COL21A1: variants seen among roughly 807,000 people sequenced by gnomAD.
COL21A1 encodes the protein collagen type XXI alpha 1 chain.
Under a neutral mutation model 137.9 loss-of-function variants are expected in COL21A1, and 149 were observed. The observed-to-expected ratio is 1.08, with a 90% CI of 0.95 to 1.24. The LOEUF (loss-of-function observed/expected upper bound fraction) is 1.24. COL21A1 is among the 50% of genes most tolerant of loss of function. The pLI is 0.00. For synonymous variants in COL21A1, 456 were observed against 391.5 expected, an observed-to-expected ratio of 1.16 and a Z score of -1.95; for missense variants, 1,167 against 1,158.4, an observed-to-expected ratio of 1.01 and a Z score of -0.11.
intron 16 of COL21A1, among the ~76,000 whole-genome samples, chr6:56,111,592 G>C (rs1417126344): frequency 6.6e-6 from 1 of 152,030 alleles, no homozygotes; most frequent in Non-Finnish European, 1.5e-5. Flanking sequence ...GGCCAGGCAT[G>C]GTGGCTCATG....
chr6:56,125,467 C>T, intron 14 of COL21A1, 100 bp downstream of exon 14: 3 of 766,216 alleles, frequency 3.9e-6, no homozygotes, highest in Non-Finnish European at 6.4e-6. Flanking sequence ...GTGAACAGAG[C>T]TAACTGTTCT....
intron 1 of COL21A1, among the ~76,000 whole-genome samples, chr6:56,255,283 G>A (rs1782938809): frequency 6.6e-6 from 1 of 151,332 alleles, no homozygotes. Flanking sequence ...TCAATTCTGG[G>A]TATAAAATCT....
chr6:56,375,979 T>G (rs1241029146), intron 1 of COL21A1, among the ~76,000 whole-genome samples: 1 of 152,178 alleles, frequency 6.6e-6, no homozygotes, highest in Non-Finnish European at 1.5e-5. Flanking sequence ...ATAAAACTAG[T>G]GGATTTGGTT....
At chr6:56,071,517 C>G (rs1280636225) in intron 20 of COL21A1, among the ~76,000 whole-genome samples, 1 of 151,494 alleles carries the variant, frequency 6.6e-6, no homozygotes, top group Non-Finnish European at 1.5e-5. Flanking sequence ...GGTGTGACAC[C>G]TAGAAGGGGA....
At chr6:56,215,662 G>A (rs1780435716) in intron 1 of COL21A1, among the ~76,000 whole-genome samples, 1 of 152,026 alleles carries the variant, frequency 6.6e-6, no homozygotes, top group South Asian at 2.1e-4. Context: ...TTGAAGGGTT[G>A]TTAAGTAAAA....
chr6:56,096,035 T>TG (rs1769291764), intron 17 of COL21A1, among the ~76,000 whole-genome samples: 1 of 151,952 alleles, frequency 6.6e-6, no homozygotes. Context: ...TTAGTAGAGA[T>TG]GGGATTTCAC....
rs115078584 is a variant in COL21A1, at chr6:56,203,009, C to A, written c.-38-20353G>T. On this transcript the variant is annotated intron_variant, in intron 1 of 29. Coordinates refer to ENST00000244728, the MANE Select transcript of COL21A1 (RefSeq NM_030820.4). ...CAGCCTTTTTCTCTAGCTCTAAATT[C>A]CTCTTACATTACATTAATTAGCCTA... 9.9e-3 allele frequency among the ~76,000 whole-genome samples: 1,512 copies of A among 152,212 alleles called. 15 individuals carry two copies. Among genetic ancestry groups the A allele is most frequent in the Non-Finnish European group, 0.016 (1,072 of 67,996 alleles).
chr6:56,319,871 TC>T (rs1764825998), intron 1 of COL21A1, among the ~76,000 whole-genome samples: 1 of 152,144 alleles, frequency 6.6e-6, no homozygotes. Context: ...CTGTACTAGT[TC>T]CTCCATTTGA....
At chr6:56,080,361 ATGT>A (rs1387636741) in intron 17 of COL21A1, among the ~76,000 whole-genome samples, 1 of 151,718 alleles carries the variant, frequency 6.6e-6, no homozygotes, top group African/African-American at 2.4e-5. Context: ...ATCCTGCATA[ATGT>A]TGTGGTTAAA....
intron 1 of COL21A1, among the ~76,000 whole-genome samples, chr6:56,260,399 C>T (rs1226457974): frequency 6.6e-6 from 1 of 151,508 alleles, no homozygotes; most frequent in Non-Finnish European, 1.5e-5. Flanking sequence ...CCTGGCGAAA[C>T]CCTGCCTCTA....
chr6:56,309,890 C>T (rs964351019), intron 1 of COL21A1, among the ~76,000 whole-genome samples: 1 of 152,032 alleles, frequency 6.6e-6, no homozygotes, highest in Non-Finnish European at 1.5e-5. Context: ...AAGGACAGAT[C>T]GATGCAGGGA....
intron 1 of COL21A1, among the ~76,000 whole-genome samples, chr6:56,211,738 A>G (rs997167268): frequency 1.3e-5 from 2 of 152,208 alleles, no homozygotes; most frequent in East Asian, 3.9e-4. Flanking sequence ...TTCACTGGGT[A>G]AGCCTCTAAA....
At position 56,363,428 on chromosome 6, in the gene COL21A1, C is replaced by A. The variant is rs549840271; in HGVS notation, c.-39+30543G>T. Among the ~76,000 whole-genome samples the A allele has an allele frequency of 2.0e-5, 3 of 152,294 alleles. No individual in the cohort carries two copies. The South Asian group carries it at 6.2e-4, about 32-fold the overall frequency. On this transcript the variant is annotated intron_variant, in intron 1 of 28. Transcript: ENST00000370819. ...CAGAGGTTAAGTCACTCAGCAGAGG[C>A]CACACCACTAGGAAATGATAGAATG... is the stretch of plus-strand genomic sequence containing the variant.
At chr6:56,187,939 TA>T (rs1205460158) in intron 1 of COL21A1, among the ~76,000 whole-genome samples, 2 of 151,818 alleles carry the variant, frequency 1.3e-5, no homozygotes, top group Non-Finnish European at 2.9e-5. Context: ...ATATAGATAA[TA>T]AAAAGAAAAA....
At chr6:56,135,551 TTAAC>T (rs1168465679) in intron 12 of COL21A1, among the ~76,000 whole-genome samples, 1 of 152,180 alleles carries the variant, frequency 6.6e-6, no homozygotes, top group Non-Finnish European at 1.5e-5. Context: ...AAATCAAAGT[TTAAC>T]TATGAAGTTA....
chr6:56,219,317 C>G (rs1050431715), intron 1 of COL21A1, among the ~76,000 whole-genome samples: 10 of 150,316 alleles, frequency 6.7e-5, no homozygotes, highest in African/African-American at 2.4e-4. Context: ...CCAGCGAAAC[C>G]ATTACATCTG....
intron 17 of COL21A1, among the ~76,000 whole-genome samples, chr6:56,078,932 G>A (rs147795687): frequency 6.5e-4 from 98 of 151,612 alleles, no homozygotes; most frequent in African/African-American, 2.3e-3. Context: ...CACAATCACA[G>A]TACACCTAAT....
chr6:56,361,693 A>G (rs1765969124), intron 1 of COL21A1, among the ~76,000 whole-genome samples: 1 of 138,244 alleles, frequency 7.2e-6, no homozygotes. Context: ...AGATCCAAGC[A>G]TAAAAAAAAA....
intron 1 of COL21A1, among the ~76,000 whole-genome samples, chr6:56,345,631 T>C (rs547690608): frequency 1.2e-4 from 19 of 152,352 alleles, no homozygotes; most frequent in African/African-American, 4.3e-4. Flanking sequence ...TACATCTTCC[T>C]GGGCCCCTTA....
Sources: gnomAD v4.1 joint callset for allele counts (sites outside exome capture counted in the v4.1 genomes callset) on GRCh38, gnomAD v4.1.1 for gene constraint, MANE v1.5 for transcripts, NCBI Gene and HGNC (gene_info 2026-07-23, HGNC 2026-07-21) for gene names.